Variants in HS3ST5 observed in about 807,000 individuals in gnomAD.
HS3ST5 encodes heparan sulfate glucosamine 3-O-sulfotransferase 5.
HS3ST5 carries 10 observed loss-of-function variants against 25.4 expected under a neutral mutation model. The ratio of observed to expected loss-of-function variants is 0.39; its 90% CI spans 0.24 to 0.67. The LOEUF is 0.67. HS3ST5 is among the 30% of genes least tolerant of loss of function. The pLI is 0.44. For synonymous variants in HS3ST5, 170 were observed against 162.4 expected (o/e 1.05, Z -0.36); for missense variants, 324 against 420.7 (o/e 0.77, Z 2.01).
At chr6:114,212,945 G>C (rs9488342) in intron 2 of HS3ST5, among the ~76,000 whole-genome samples, 33,537 of 152,068 alleles carry the variant, frequency 0.22, 3,732 homozygotes, top group East Asian at 0.26. Flanking sequence ...TTTGCTGTCT[G>C]CAAATGGCTT....
At chr6:114,266,020 T>G (rs1773389445) in intron 1 of HS3ST5, among the ~76,000 whole-genome samples, 1 of 152,322 alleles carries the variant, frequency 6.6e-6, no homozygotes, top group East Asian at 1.9e-4. Flanking sequence ...AGCCAATGGC[T>G]TGATAGACAG....
At chr6:114,120,908 G>A (rs1184884232) in intron 3 of HS3ST5, among the ~76,000 whole-genome samples, 2 of 152,072 alleles carry the variant, frequency 1.3e-5, no homozygotes, top group East Asian at 3.8e-4. Flanking sequence ...TTTTTCAGAA[G>A]TCCCAGTAAT....
intron 4 of HS3ST5, among the ~76,000 whole-genome samples, chr6:114,062,180 A>G (rs1056388594): frequency 6.6e-6 from 1 of 152,170 alleles, no homozygotes; most frequent in African/African-American, 2.4e-5. Context: ...TTTCTGGGCA[A>G]TTATTCTGAG....
intron 1 of HS3ST5, among the ~76,000 whole-genome samples, chr6:114,254,939 C>A (rs1469702117): frequency 1.3e-5 from 2 of 152,134 alleles, no homozygotes; most frequent in Non-Finnish European, 2.9e-5. Context: ...TGGCCCCTCC[C>A]CAAATCTTAC....
chr6:114,146,093 T>C lies in HS3ST5; in HGVS notation c.-33+22258A>G, dbSNP rs573947369. Among the ~76,000 whole-genome samples, 8 of 152,270 alleles carry C rather than the reference T, an allele frequency of 5.3e-5. No individual in the cohort carries two copies. In the East Asian group the frequency reaches 1.2e-3, roughly 22 times the overall value. On this transcript the variant is annotated intron_variant, in intron 3 of 4. Coordinates refer to ENST00000312719, the MANE Select transcript of HS3ST5 (RefSeq NM_153612.4). ...ATAAAATCACCTTTAGCATTTCTAC[T>C]AAAATTAAAAAAAATTACAGAGTCC...
intron 2 of HS3ST5, among the ~76,000 whole-genome samples, chr6:114,210,859 T>G (rs1490060960): frequency 6.6e-6 from 1 of 152,220 alleles, no homozygotes; most frequent in African/African-American, 2.4e-5. Context: ...TTATCCTATG[T>G]CTAAATTCCA....
At chr6:114,301,563 C>T (rs1253133768) in intron 1 of HS3ST5, among the ~76,000 whole-genome samples, 2 of 152,094 alleles carry the variant, frequency 1.3e-5, no homozygotes, top group Non-Finnish European at 2.9e-5. Flanking sequence ...TGGAAGAAGC[C>T]ATAATATTCT....
chr6:114,120,800 T>C (rs1446082234), intron 3 of HS3ST5, among the ~76,000 whole-genome samples: 1 of 152,184 alleles, frequency 6.6e-6, no homozygotes, highest in East Asian at 1.9e-4. Context: ...TACAAATGTA[T>C]AGGTGAGGGT....
chr6:114,194,957 T>C (rs751309047), intron 2 of HS3ST5, among the ~76,000 whole-genome samples: 5 of 152,216 alleles, frequency 3.3e-5, no homozygotes, highest in Non-Finnish European at 4.4e-5. Flanking sequence ...TGCAACTCTT[T>C]ATGAGAAATA....
intron 2 of HS3ST5, among the ~76,000 whole-genome samples, chr6:114,210,437 T>G (rs1781462551): frequency 1.3e-5 from 2 of 152,204 alleles, no homozygotes; most frequent in South Asian, 4.1e-4. Flanking sequence ...TGTTAGCAAT[T>G]CTCCAGCTTA....
chr6:114,227,659 T>C (rs1023886295), intron 2 of HS3ST5, among the ~76,000 whole-genome samples: 4 of 152,004 alleles, frequency 2.6e-5, no homozygotes, highest in Admixed American at 2.6e-4. Context: ...TGGAAAGAGG[T>C]ATTAAGCAGA....
At position 114,127,597 on chromosome 6, in the gene HS3ST5, C is replaced by T. The variant is rs867248637; in HGVS notation, c.-33+40754G>A. Among the ~76,000 whole-genome samples the T allele has an allele frequency of 1.8e-4, 28 of 152,216 alleles. No homozygotes were observed. The Middle Eastern group carries it at 0.01, about 55-fold the overall frequency. On this transcript the variant is annotated intron_variant, in intron 3 of 4. Transcript: ENST00000312719. ...CAGAGTTTGAGAACTATCAAAATTA[C>T]CTGGGCAAATAACCACAGATACAAG... is the stretch of plus-strand genomic sequence containing the variant.
At chr6:114,304,099 G>C (rs954387595) in intron 1 of HS3ST5, among the ~76,000 whole-genome samples, 1 of 152,034 alleles carries the variant, frequency 6.6e-6, no homozygotes, top group Non-Finnish European at 1.5e-5. Flanking sequence ...GATGTCAGAA[G>C]TATTTCTGAC....
At chr6:114,184,054 CTTTTTTTTTTTTTT>C (rs34370810) in intron 2 of HS3ST5, among the ~76,000 whole-genome samples, 1 of 78,688 alleles carries the variant, frequency 1.3e-5, no homozygotes, top group African/African-American at 5.1e-5. Context: ...TTTTTCCTTT[CTTTTTTTTTTTTTT>C]TTTTTTTTTT....
At chr6:114,192,965 T>C (rs1240715317) in intron 2 of HS3ST5, among the ~76,000 whole-genome samples, 1 of 152,164 alleles carries the variant, frequency 6.6e-6, no homozygotes, top group Non-Finnish European at 1.5e-5. Context: ...TTTTTTCATT[T>C]CTCCCACCTG....
intron 3 of HS3ST5, among the ~76,000 whole-genome samples, chr6:114,087,880 C>G (rs550565458): frequency 6.6e-6 from 1 of 152,142 alleles, no homozygotes; most frequent in Non-Finnish European, 1.5e-5. Context: ...GTTGCTTTTA[C>G]TAAACAACTC....
chr6:114,189,506 C>G (rs558896215), intron 2 of HS3ST5, among the ~76,000 whole-genome samples: 2 of 152,046 alleles, frequency 1.3e-5, no homozygotes, highest in South Asian at 4.1e-4. Flanking sequence ...AAATAGGATC[C>G]TTGGACTAAT....
intron 3 of HS3ST5, among the ~76,000 whole-genome samples, chr6:114,094,006 G>C (rs1418871471): frequency 6.6e-6 from 1 of 152,154 alleles, no homozygotes; most frequent in Non-Finnish European, 1.5e-5. Flanking sequence ...ACAGAAGAGG[G>C]AAGGGAAAAG....
chr6:114,106,970 C>G (rs1286417446), intron 3 of HS3ST5, among the ~76,000 whole-genome samples: 4 of 151,866 alleles, frequency 2.6e-5, no homozygotes, highest in Admixed American at 6.6e-5. Context: ...TTCATTAAGC[C>G]CATCTCAGAA....
Sources: allele counts gnomAD v4.1 joint callset (sites outside exome capture counted in the v4.1 genomes callset), GRCh38; gene constraint gnomAD v4.1.1; transcripts MANE v1.5; gene names NCBI Gene and HGNC (gene_info 2026-07-23, HGNC 2026-07-21).